The following SAMD8 variants were observed in gnomAD, a reference collection of about 807,000 sequenced individuals.
The protein encoded by SAMD8 is sterile alpha motif domain containing 8, also known as sphingomyelin synthase-related protein 1.
Under a neutral mutation model 42.0 loss-of-function variants are expected in SAMD8, and 20 were observed. The ratio of observed to expected loss-of-function variants is 0.48; its 90% confidence interval spans 0.34 to 0.69. The LOEUF (loss-of-function observed/expected upper bound fraction) is 0.69. Among genes scored for constraint, SAMD8 ranks in the 30% least tolerant of loss-of-function variants. The pLI, the probability that SAMD8 is intolerant of heterozygous loss-of-function variation, is 0.01. For synonymous variants in SAMD8, 162 were observed against 173.0 expected (o/e 0.94, Z 0.50); for missense variants, 328 against 511.6 (o/e 0.64, Z 3.46).
At chr10:75,105,994 C>A in intron 1 of SAMD8, 1 of 849,896 alleles carries the variant, frequency 1.2e-6, no homozygotes, top group Admixed American at 2.3e-5. Flanking sequence ...GCAAGTCACT[C>A]AGCCTTTATG....
chr10:75,126,184 C>T (rs1297744372), intron 1 of SAMD8, among the ~76,000 whole-genome samples: 3 of 152,120 alleles, frequency 2.0e-5, no homozygotes, highest in Admixed American at 6.6e-5. Context: ...ACTCCTTTAA[C>T]GCTTAGCTCA....
chr10:75,099,896 C>T (rs980895191), intron 1 of SAMD8, among the ~76,000 whole-genome samples: 1 of 152,038 alleles, frequency 6.6e-6, no homozygotes, highest in Non-Finnish European at 1.5e-5. Context: ...GGGTCTGACC[C>T]GAGAATGAGA....
chr10:75,123,150 TCCCACCCCACCTCACCCCACCCCAC>T (rs1214458368), intron 1 of SAMD8, among the ~76,000 whole-genome samples: 8 of 144,252 alleles, frequency 5.5e-5, no homozygotes, highest in Admixed American at 3.6e-4. Context: ...CATGCTTGCT[TCCCACCCCACCTCACCCCACCCCAC>T]CCCACCCCAC....
intron 3 of SAMD8, among the ~76,000 whole-genome samples, chr10:75,167,889 G>A (rs543152483): frequency 2.3e-3 from 355 of 152,290 alleles, no homozygotes; most frequent in Non-Finnish European, 3.5e-3. Context: ...CACCATCCTC[G>A]GCCAACTTTA....
chr10:75,117,632 G>A (rs1236349548), intron 1 of SAMD8, among the ~76,000 whole-genome samples: 2 of 152,218 alleles, frequency 1.3e-5, no homozygotes, highest in Non-Finnish European at 2.9e-5. Flanking sequence ...CAGGAGAATT[G>A]CTTGATCCCA....
chr10:75,147,792 C>T lies in SAMD8; in HGVS notation c.-15-2722C>T, dbSNP rs80021918. Among the ~76,000 whole-genome samples the T allele has an allele frequency of 8.5e-4, 130 of 152,108 alleles. 2 individuals are homozygous for T. The East Asian group carries it at 0.024, about 28-fold the overall frequency. On this transcript the variant is annotated intron_variant, in intron 1 of 5. Transcript: ENST00000542569. The stretch of plus-strand genomic sequence containing the variant: ...GGTAGGGTGAAAGCATCTAGTTATC[C>T]ATGTGAACTAAAACAGCAAAATCAT...
At chr10:75,151,138 G>A in intron 2 of SAMD8, 32 bp downstream of exon 2, 1 of 1,197,734 alleles carries the variant, frequency 8.3e-7, no homozygotes, top group Non-Finnish European at 1.2e-6. Flanking sequence ...TAAGTTTGTA[G>A]GATGTTGCTA....
At chr10:75,118,216 CAT>C (rs1267160688) in intron 1 of SAMD8, among the ~76,000 whole-genome samples, 2 of 152,118 alleles carry the variant, frequency 1.3e-5, no homozygotes, top group Non-Finnish European at 2.9e-5. Flanking sequence ...AGAAGTGGGA[CAT>C]AACAAAACAG....
chr10:75,119,420 G>A (rs1325960391), intron 1 of SAMD8, among the ~76,000 whole-genome samples: 1 of 152,184 alleles, frequency 6.6e-6, no homozygotes, highest in African/African-American at 2.4e-5. Flanking sequence ...GCTTCCCAAA[G>A]TGCTGGGATT....
At chr10:75,128,916 G>A (rs1486103749) in intron 1 of SAMD8, among the ~76,000 whole-genome samples, 2 of 152,024 alleles carry the variant, frequency 1.3e-5, no homozygotes, top group African/African-American at 4.8e-5. Context: ...CAAAATTTCA[G>A]ACACATACTG....
At position 75,101,758 on chromosome 10, in the gene SAMD8, C is replaced by A. The variant is rs1309603968; in HGVS notation, c.-16+2030C>A. On this transcript the variant is annotated intron_variant, in intron 1 of 3. Coordinates refer to the SAMD8 transcript ENST00000447533. ...TCTCTGACCCAGTCGGTTCTCTACC[C>A]AACCCAAACCCCACCCCTCCCCACA... The A allele has an allele frequency of 1.1e-4, 77 of 699,554 alleles. 1 individual carries two copies. The highest frequency in any genetic ancestry group is 6.9e-6 in the Non-Finnish European group (3 of 434,990). 43.3% of individuals were successfully genotyped at this position (699,554 alleles called of 1,614,324 possible).
intron 1 of SAMD8, among the ~76,000 whole-genome samples, chr10:75,119,433 A>C (rs966850110): frequency 6.6e-6 from 1 of 152,244 alleles, no homozygotes; most frequent in African/African-American, 2.4e-5. Context: ...CTGGGATTAC[A>C]GGCGTGAATC....
rs1840959344 is a variant in SAMD8, at chr10:75,175,009, G to C, written c.793-1057G>C. Reference sequence around the variant, plus strand: ...CATAATTCTTCTGTCTTTCTGGTCTGCTATCCCAATACTTGGCTTGTATCC... The same window carrying C: ...CATAATTCTTCTGTCTTTCTGGTCTCCTATCCCAATACTTGGCTTGTATCC... On this transcript the variant is annotated intron_variant, in intron 4 of 5. Coordinates refer to ENST00000542569, the MANE Select transcript of SAMD8 (RefSeq NM_001174156.2). Among the ~76,000 whole-genome samples, 5 of 152,282 alleles carry C rather than the reference G, an allele frequency of 3.3e-5. No homozygotes were observed. In the South Asian group the frequency reaches 1.0e-3, roughly 32 times the overall value.
Position 75,150,822 on chromosome 10 carries a change from C to A in SAMD8, c.294C>A (p.Thr98=). 1 of 1,614,072 alleles carries A rather than the reference C, an allele frequency of 6.2e-7. No homozygotes were observed. Among genetic ancestry groups the A allele is most frequent in the Non-Finnish European group, 8.5e-7 (1 of 1,180,000 alleles). The change falls in exon 2 of 6, where the codon ACC becomes ACA. Residue 98 remains threonine (T), a synonymous_variant. Transcript: ENST00000542569. The part of the protein sequence containing the change: ...YNSDSPMGSM[T]PFISALQSTD... Reference sequence around the variant, plus strand: ...GTGACAGTCCCATGGGTTCCATGACCCCTTTCATCAGTGCTCTTCAGAGTA... The same window carrying A: ...GTGACAGTCCCATGGGTTCCATGACACCTTTCATCAGTGCTCTTCAGAGTA...
intron 1 of SAMD8, among the ~76,000 whole-genome samples, chr10:75,141,681 A>G (rs933429536): frequency 4.0e-5 from 6 of 151,182 alleles, no homozygotes; most frequent in Non-Finnish European, 7.4e-5. Context: ...AGCTGGGACT[A>G]CAGGTGCCTG....
chr10:75,109,048 C>G (rs199659528), upstream of SAMD8: 28 of 1,611,424 alleles, frequency 1.7e-5, no homozygotes, highest in Middle Eastern at 1.6e-4. Flanking sequence ...TTCGTCCACA[C>G]GGCTGCAAGA....
chr10:75,162,933 C>CT (rs947825824), intron 2 of SAMD8, among the ~76,000 whole-genome samples: 5 of 149,494 alleles, frequency 3.3e-5, no homozygotes, highest in South Asian at 2.1e-4. Flanking sequence ...TTCTTTTTTT[C>CT]TTTTTTTTTG....
chr10:75,168,616 C>G lies in SAMD8; in HGVS notation c.750C>G (p.Thr250=). ...FLLRCFTMFV[T]SLSVPGQHLQ... is the part of the protein sequence containing the mutation. ...TTCGCTGCTTTACCATGTTTGTGAC[C>G]TCCCTCTCCGTGCCAGGACAACACC... Residue 250 remains threonine (T), a synonymous_variant, in exon 4 of 6, where the codon ACC becomes ACG. Transcript: ENST00000542569. The G allele has an allele frequency of 2.5e-6, 4 of 1,613,742 alleles. No individual in the cohort carries two copies. Among genetic ancestry groups the G allele is most frequent in the Non-Finnish European group, 3.4e-6 (4 of 1,179,724 alleles).
chr10:75,103,818 C>A (rs1468018395), intron 1 of SAMD8: 2 of 1,160,364 alleles, frequency 1.7e-6, no homozygotes, highest in Non-Finnish European at 2.3e-6. Context: ...CTCCTCCCCT[C>A]CCCACTTTCC....
Sources: gnomAD v4.1 joint callset for allele counts (sites outside exome capture counted in the v4.1 genomes callset) on GRCh38, gnomAD v4.1.1 for gene constraint, MANE v1.5 for transcripts, NCBI Gene and HGNC (gene_info 2026-07-23, HGNC 2026-07-21) for gene names.